LRRC61: variants seen among roughly 807,000 people sequenced by gnomAD.
The protein encoded by LRRC61 is leucine rich repeat containing 61, also known as leucine-rich repeat-containing protein 61.
Under a neutral mutation model 15.1 loss-of-function variants are expected in LRRC61, and 9 were observed. That is an observed-to-expected ratio of 0.60 (90% CI 0.36 to 1.04). The LOEUF is 1.04. Ranked by LOEUF, LRRC61 falls within the 50% of genes least tolerant of loss-of-function variation. LRRC61 has a pLI of 0.01. For synonymous variants in LRRC61, 173 were observed against 158.6 expected (o/e 1.09, Z -0.68); for missense variants, 344 against 335.6 (o/e 1.03, Z -0.20).
the LRRC61 span, among the ~76,000 whole-genome samples, chr7:150,312,089 T>C: frequency 6.6e-6 from 1 of 152,276 alleles, no homozygotes; most frequent in Admixed American, 6.5e-5. Flanking sequence ...CTAAAGAAAA[T>C]GCCTACGCCA....
upstream of LRRC61, chr7:150,323,161 G>A (rs1797733483): frequency 1.9e-5 from 4 of 209,424 alleles, no homozygotes; most frequent in South Asian, 1.2e-4. Context: ...CGGCCCCTTC[G>A]CTTCCGGCCG....
chr7:150,316,242 T>C, the LRRC61 span, among the ~76,000 whole-genome samples: 11 of 152,320 alleles, frequency 7.2e-5, no homozygotes, highest in African/African-American at 2.6e-4. Flanking sequence ...TATTCCATCA[T>C]GTGGATGTAC....
At chr7:150,334,740 G>A (rs1181873354) in intron 2 of LRRC61, among the ~76,000 whole-genome samples, 4 of 152,222 alleles carry the variant, frequency 2.6e-5, no homozygotes, top group East Asian at 1.9e-4. Flanking sequence ...GCCCCGGGCC[G>A]GGTGTGGTGG....
chr7:150,316,527 C>T, the LRRC61 span, among the ~76,000 whole-genome samples: 1 of 140,902 alleles, frequency 7.1e-6, no homozygotes, highest in East Asian at 2.2e-4. Context: ...CTCACTGTTG[C>T]CAGGCGGGAG....
chr7:150,314,480 G>A, the LRRC61 span, among the ~76,000 whole-genome samples: 2 of 152,106 alleles, frequency 1.3e-5, no homozygotes, highest in African/African-American at 4.8e-5. Context: ...AAAATAGGGT[G>A]GGGGCGATGG....
At position 150,333,027 on chromosome 7, in the gene LRRC61, G is replaced by A. The variant is rs115604553; in HGVS notation, c.-144-3691G>A. 5.0e-3 allele frequency among the ~76,000 whole-genome samples: 769 copies of A among 152,348 alleles called. 8 individuals carry two copies. The highest frequency in any genetic ancestry group is 0.018 in the African/African-American group (732 of 41,570). On this transcript the variant is annotated intron_variant, in intron 2 of 2. Transcript: ENST00000359623. The surrounding 1 kb of genome is among the most constrained non-coding windows in gnomAD (Gnocchi z 4.3). ...CCTCAGGTTGCCTTGGGCAGCGTGC[G>A]TGACTGTGCTTCCATCCTTGAGCAG...
chr7:150,329,552 A>G (rs1016961603), intron 2 of LRRC61, among the ~76,000 whole-genome samples: 6 of 152,178 alleles, frequency 3.9e-5, no homozygotes, highest in Non-Finnish European at 8.8e-5. Context: ...CTGTCCCAAG[A>G]GTGGGCTGTG....
chr7:150,331,568 T>C (rs1345708794), intron 2 of LRRC61: 1 of 174,254 alleles, frequency 5.7e-6, no homozygotes, highest in African/African-American at 2.4e-5. Flanking sequence ...AGAGGCTTAC[T>C]CTCTTCGTAG....
the LRRC61 span, among the ~76,000 whole-genome samples, chr7:150,316,637 C>T: frequency 6.6e-6 from 1 of 152,086 alleles, no homozygotes; most frequent in Non-Finnish European, 1.5e-5. Context: ...AGATGCGTGC[C>T]ATCACGCTCA....
chr7:150,326,498 C>T (rs1274664585), intron 2 of LRRC61, among the ~76,000 whole-genome samples: 1 of 151,846 alleles, frequency 6.6e-6, no homozygotes, highest in East Asian at 1.9e-4. Flanking sequence ...GCTTGGGCAA[C>T]ATGGTGAAAT....
rs1253237008 is a variant in LRRC61 at position 150,336,838 on chromosome 7, G to A, written c.-24G>A. On this transcript the variant is annotated 5_prime_UTR_variant, in exon 3 of 3. Coordinates refer to ENST00000359623, the MANE Select transcript of LRRC61 (RefSeq NM_001142928.2). ...CTGTGACAGTCCTGCCAGGGCCCAG[G>A]CCATCCCAACCGACTTCCATCTCAT... 3 of 1,582,398 alleles carry A rather than the reference G, an allele frequency of 1.9e-6. No individual in the cohort carries two copies. Among genetic ancestry groups the A allele is most frequent in the Non-Finnish European group, 2.6e-6 (3 of 1,162,758 alleles).
At chr7:150,321,612 C>A (rs1209512815), upstream of LRRC61, among the ~76,000 whole-genome samples, 1 of 152,088 alleles carries the variant, frequency 6.6e-6, no homozygotes, top group Non-Finnish European at 1.5e-5. Context: ...TGGTGGTTCA[C>A]GCCTGTAGTC....
At chr7:150,320,110 T>C (rs1797350287), upstream of LRRC61, among the ~76,000 whole-genome samples, 1 of 152,056 alleles carries the variant, frequency 6.6e-6, no homozygotes, top group African/African-American at 2.4e-5. Context: ...GTGGATCCCA[T>C]GTAACAGTAC....
At chr7:150,331,689 T>C in intron 2 of LRRC61, 1 of 167,416 alleles carries the variant, frequency 6.0e-6, no homozygotes. Context: ...AGTGGACACA[T>C]GCCCTTAAGA....
Position 150,337,555 on chromosome 7 carries a change from G to T in LRRC61, c.694G>T (p.Asp232Tyr). ...CCAGGACACACTGCAGGAGTGCTGG[G>T]ACCTGGACCGCCAGGCCAGCGACAG... ...QFQDTLQECW[D>Y]LDRQASDSLA... Residue 232 changes from aspartate to tyrosine, a missense_variant, in exon 3 of 3, where the codon GAC becomes TAC. Physicochemically the swap from Asp to Tyr is radical, Grantham distance 160. Transcript: ENST00000359623. 6.3e-7 allele frequency: 1 copy of T among 1,596,614 alleles called. No individual in the cohort carries two copies.
At chr7:150,323,122 C>G (rs536203607), upstream of LRRC61, 11 of 189,520 alleles carry the variant, frequency 5.8e-5, no homozygotes, top group South Asian at 8.0e-4. Flanking sequence ...AAGGCCGCAC[C>G]GATAAACGAT....
Position 150,330,458 on chromosome 7 carries a change from C to A in LRRC61, c.-145+4448C>A, listed in dbSNP as rs200130949. The A allele has an allele frequency of 1.3e-6, 1 of 778,460 alleles. No individual in the cohort carries two copies. The highest frequency in any genetic ancestry group is 2.4e-6 in the Non-Finnish European group (1 of 418,130). The allele number at this position is 778,460 out of a possible 1,614,324, so 48.2% of individuals were successfully genotyped here. A position where few individuals can be genotyped will look rare whatever the true frequency, so the allele number is the denominator to read the frequency against. On this transcript the variant is annotated intron_variant, in intron 2 of 2. Coordinates refer to ENST00000359623, the MANE Select transcript of LRRC61 (RefSeq NM_001142928.2). The surrounding 1 kb of genome is among the most constrained non-coding windows in gnomAD (Gnocchi z 4.6). ...AGGCCTCTCTGAGCCAGGTGCTGCC[C>A]CAGCTGCGCTACCTGCACATCTTCC...
At chr7:150,334,228 C>T (rs1798209644) in intron 2 of LRRC61, among the ~76,000 whole-genome samples, 1 of 152,196 alleles carries the variant, frequency 6.6e-6, no homozygotes, top group South Asian at 2.1e-4. Flanking sequence ...CCCACTGTGG[C>T]CTCACCTGTG....
chr7:150,337,090 C>G lies in LRRC61; in HGVS notation c.229C>G (p.Leu77Val). ...GGGCCCGCTGGCCTCCTTGCGCCAG[C>G]TAGCTGTGCTCAATGTCTCCAACAA... is the stretch of plus-strand genomic sequence containing the variant. The part of the protein sequence containing the change: ...HLGPLASLRQ[L>V]AVLNVSNNRL... Residue 77 changes from leucine (L) to valine (V), a missense_variant, in exon 3 of 3, where the codon CTA becomes GTA. Coordinates refer to ENST00000359623, the MANE Select transcript of LRRC61 (RefSeq NM_001142928.2). The G allele has an allele frequency of 6.2e-7, 1 of 1,612,808 alleles. No homozygotes were observed. The highest frequency in any genetic ancestry group is 8.5e-7 in the Non-Finnish European group (1 of 1,179,802).
Sources: gnomAD v4.1 joint callset for allele counts (sites outside exome capture counted in the v4.1 genomes callset) on GRCh38, gnomAD v4.1.1 for gene constraint, Gnocchi (gnomAD v3.1) non-coding constraint, MANE v1.5 for transcripts, NCBI Gene and HGNC (gene_info 2026-07-23, HGNC 2026-07-21) for gene names.